Variants in CARHSP1 observed in about 807,000 individuals in gnomAD.
The protein encoded by CARHSP1 is calcium regulated heat stable protein 1.
CARHSP1 carries 14 observed loss-of-function variants against 12.5 expected under a neutral mutation model. That is an observed-to-expected ratio of 1.12 (90% CI 0.74 to 1.75). The LOEUF (loss-of-function observed/expected upper bound fraction) is 1.75, where lower values mean the gene tolerates loss of function less well. Among genes scored for constraint, CARHSP1 ranks in the 40% most tolerant of loss-of-function variants. The probability of loss-of-function intolerance (pLI) is 0.00; values close to 1 mark genes in which losing one functional copy is unlikely to be tolerated. For missense variants in CARHSP1, 343 were observed against 201.6 expected (o/e 1.70, Z -4.25); for synonymous variants, 161 against 82.0 (o/e 1.96, Z -5.20).
Position 8,855,116 on chromosome 16 carries a change from C to T in CARHSP1, c.*48G>A, listed in dbSNP as rs774377522. The T allele has an allele frequency of 1.4e-6, 2 of 1,453,142 alleles. No individual in the cohort carries two copies. Among genetic ancestry groups the T allele is most frequent in the South Asian group, 2.9e-5 (2 of 68,474 alleles). The allele number at this position is 1,453,142 out of a possible 1,614,324, so 90.0% of individuals were successfully genotyped here. ...ATCTCCAGTGTCTGCTGCCTCCTCC[C>T]TGCAAAGTCTCCCACAAGCACAGGA... On this transcript the variant is annotated 3_prime_UTR_variant, in exon 4 of 4. Transcript: ENST00000311052.
chr16:8,862,740 G>A (rs2061388266), intron 1 of CARHSP1, among the ~76,000 whole-genome samples: 1 of 152,326 alleles, frequency 6.6e-6, no homozygotes, highest in East Asian at 1.9e-4. Flanking sequence ...CCATGTGATG[G>A]GTGGGGGACT....
At chr16:8,861,801 G>A (rs1177616309) in intron 1 of CARHSP1, 18 of 1,216,928 alleles carry the variant, frequency 1.5e-5, no homozygotes, top group Non-Finnish European at 1.9e-5. Flanking sequence ...AGGTCATAGA[G>A]TCCTAGAATG....
chr16:8,855,321 T>C lies in CARHSP1; in HGVS notation c.287A>G (p.Glu96Gly). 6.2e-7 allele frequency: 1 copy of C among 1,600,074 alleles called. No homozygotes were observed. Among genetic ancestry groups the C allele is most frequent in the Non-Finnish European group, 8.5e-7 (1 of 1,171,702 alleles). ...PDIFLHISDV[E>G]GEYVPVEGDE... ...GCCTTCCACTGGGACATACTCCCCTTCCACACTACGGGGGCATAAATAAAG... is the reference window on the plus strand; with the variant it reads ...GCCTTCCACTGGGACATACTCCCCTCCCACACTACGGGGGCATAAATAAAG... The change falls in exon 4 of 4, where the codon GAA (glutamate) becomes GGA (glycine). Residue 96 changes from glutamate (E) to glycine (G), a missense_variant. By Grantham distance (98) the Glu-to-Gly change is moderately conservative. Transcript: ENST00000311052.
chr16:8,858,255 C>T, intron 3 of CARHSP1, 95 bp downstream of exon 3: 1 of 1,432,694 alleles, frequency 7.0e-7, no homozygotes, highest in Non-Finnish European at 9.5e-7. Flanking sequence ...CGTCCTCACA[C>T]CCAGCGCCCA....
intron 1 of CARHSP1, among the ~76,000 whole-genome samples, chr16:8,865,986 C>T (rs902437710): frequency 6.6e-6 from 1 of 152,082 alleles, no homozygotes; most frequent in Non-Finnish European, 1.5e-5. Context: ...CAGGGTCTTG[C>T]TTTGTTACCC....
rs1359714045 is a variant in CARHSP1 at position 8,853,556 on chromosome 16, AGTACCT to A, written c.*1602_*1607del. 1 of 152,234 alleles carries A rather than the reference AGTACCT, an allele frequency of 6.6e-6. No individual in the cohort carries two copies. The highest frequency in any genetic ancestry group is 2.4e-5 in the African/African-American group (1 of 41,468). 9.4% of individuals were successfully genotyped at this position (152,234 alleles called of 1,614,324 possible). On this transcript the variant is annotated 3_prime_UTR_variant, in exon 4 of 4. Transcript: ENST00000311052. ...AAGGACAAACTCATCAGAGTTGAGGAGTACCTACCTGATGAAGCTGTTCATGCTTCC... is the reference window on the plus strand; with the variant it reads ...AAGGACAAACTCATCAGAGTTGAGGAACCTGATGAAGCTGTTCATGCTTCC...
At chr16:8,863,364 T>C (rs1487690891) in intron 1 of CARHSP1, among the ~76,000 whole-genome samples, 1 of 152,104 alleles carries the variant, frequency 6.6e-6, no homozygotes, top group Admixed American at 6.6e-5. Flanking sequence ...CGGCGCACCT[T>C]GGCTTCCCAA....
chr16:8,856,825 G>A (rs1308540497), intron 3 of CARHSP1, among the ~76,000 whole-genome samples: 1 of 150,124 alleles, frequency 6.7e-6, no homozygotes, highest in African/African-American at 2.5e-5. Context: ...TCTAAAGGCT[G>A]CCCAGAGGAT....
intron 3 of CARHSP1, chr16:8,857,316 CTT>C (rs1312406596): frequency 1.9e-5 from 2 of 103,872 alleles, no homozygotes; most frequent in Non-Finnish European, 3.8e-5. Context: ...GAGTTTTGCT[CTT>C]GTTGCCCAGG....
chr16:8,856,941 G>A (rs756778612), intron 3 of CARHSP1, among the ~76,000 whole-genome samples: 6 of 152,104 alleles, frequency 3.9e-5, no homozygotes, highest in Non-Finnish European at 5.9e-5. Context: ...AAGGAAGGAC[G>A]TCAGTAAGCA....
At chr16:8,860,110 C>A (rs767467517) in intron 1 of CARHSP1, 18 of 984,640 alleles carry the variant, frequency 1.8e-5, no homozygotes, top group Non-Finnish European at 2.2e-5. Flanking sequence ...CTGACCCTCA[C>A]GCAGTGTCCG....
At chr16:8,866,144 A>T (rs929177400) in intron 1 of CARHSP1, among the ~76,000 whole-genome samples, 1 of 152,156 alleles carries the variant, frequency 6.6e-6, no homozygotes, top group Non-Finnish European at 1.5e-5. Flanking sequence ...TGTAGAGACA[A>T]GGTCTCACTG....
At chr16:8,857,269 T>TGTTTTTTG (rs756868301) in intron 3 of CARHSP1, among the ~76,000 whole-genome samples, 939 of 29,904 alleles carry the variant, frequency 0.031, 48 homozygotes, top group East Asian at 0.04. Context: ...ATCTGTTTTT[T>TGTTTTTTG]TTTTTTTTTT....
intron 2 of CARHSP1, 178 bp downstream of exon 2, chr16:8,858,993 T>C (rs2061249999): frequency 1.8e-6 from 1 of 555,476 alleles, no homozygotes. Flanking sequence ...GGCTGGGCAG[T>C]ACCCTGAATT....
chr16:8,855,846 A>G (rs117904780), intron 3 of CARHSP1, among the ~76,000 whole-genome samples: 3,964 of 152,244 alleles, frequency 0.026, 78 homozygotes, highest in South Asian at 0.041. Context: ...TTTTTGAGAC[A>G]GAGTCTTGTT....
Position 8,868,704 on chromosome 16 carries a change from TG to T in CARHSP1, c.-8+261del, listed in dbSNP as rs1386452078. ...GCTTCCCCTGCACGCAGAGAACAGG[TG>T]GCCAGGCGGGAAGTACTACCCGACG... On this transcript the variant is annotated intron_variant, in intron 1 of 3. Coordinates refer to ENST00000311052, the MANE Select transcript of CARHSP1 (RefSeq NM_014316.4). 2.0e-5 allele frequency: 3 copies of T among 151,590 alleles called. No homozygotes were observed. In the East Asian group the frequency reaches 6.0e-4, roughly 30 times the overall value. The allele number at this position is 151,590 out of a possible 1,614,324, so 9.4% of individuals were successfully genotyped here. A position where few individuals can be genotyped will look rare whatever the true frequency, so the allele number is the denominator to read the frequency against.
Position 8,855,016 on chromosome 16 carries a change from C to G in CARHSP1, c.*148G>C. 1.6e-6 allele frequency: 1 copy of G among 608,012 alleles called. No homozygotes were observed. The highest frequency in any genetic ancestry group is 2.6e-6 in the Non-Finnish European group (1 of 381,656). The allele number at this position is 608,012 out of a possible 1,614,324, so 37.7% of individuals were successfully genotyped here. On this transcript the variant is annotated 3_prime_UTR_variant, in exon 4 of 4. Coordinates refer to ENST00000311052, the MANE Select transcript of CARHSP1 (RefSeq NM_014316.4). ...ACACCCCACACCCCACACCTGCCCC[C>G]CATACCCCTTCCTCCAGGAGATACT...
At chr16:8,856,393 A>T (rs17566813) in intron 3 of CARHSP1, among the ~76,000 whole-genome samples, 2 of 152,180 alleles carry the variant, frequency 1.3e-5, no homozygotes, top group Admixed American at 6.5e-5. Context: ...GTCACGAGGG[A>T]GCTCAGAAAT....
intron 2 of CARHSP1, 128 bp from the exon 3 acceptor site, chr16:8,858,600 C>A: frequency 8.8e-7 from 1 of 1,139,278 alleles, no homozygotes; most frequent in Non-Finnish European, 1.2e-6. Flanking sequence ...GTCACACAGG[C>A]TGAGGACTGC....
Sources: allele counts gnomAD v4.1 joint callset (sites outside exome capture counted in the v4.1 genomes callset), GRCh38; gene constraint gnomAD v4.1.1; transcripts MANE v1.5; gene names NCBI Gene and HGNC (gene_info 2026-07-23, HGNC 2026-07-21).